ANKS1B: variants seen among roughly 807,000 people sequenced by gnomAD.
ANKS1B encodes ankyrin repeat and sterile alpha motif domain-containing protein 1B.
In ANKS1B, 36 loss-of-function variants were observed where a neutral mutation model predicts 148.3. The ratio of observed to expected loss-of-function variants is 0.24; its 90% CI spans 0.19 to 0.32. The LOEUF (loss-of-function observed/expected upper bound fraction) is 0.32. Among genes scored for constraint, ANKS1B ranks in the 10% least tolerant of loss-of-function variants. ANKS1B has a pLI of 1.00. For missense variants in ANKS1B, 1,157 were observed against 1,542.6 expected (o/e 0.75, Z 4.19); for synonymous variants, 542 against 560.8 (o/e 0.97, Z 0.47).
intron 17 of ANKS1B, among the ~76,000 whole-genome samples, chr12:98,950,111 A>C (rs921906816): frequency 2.0e-5 from 3 of 152,194 alleles, no homozygotes; most frequent in African/African-American, 7.2e-5. Context: ...GTCAGTGAAG[A>C]TGCATTAAGA....
At chr12:98,882,021 G>A (rs1395292045) in intron 17 of ANKS1B, among the ~76,000 whole-genome samples, 1 of 151,988 alleles carries the variant, frequency 6.6e-6, no homozygotes, top group Admixed American at 6.5e-5. Flanking sequence ...TTCTTACTAT[G>A]GAAATTCACT....
chr12:99,890,596 TGTGTGTG>T (rs2093048170), intron 1 of ANKS1B, among the ~76,000 whole-genome samples: 1 of 151,172 alleles, frequency 6.6e-6, no homozygotes, highest in Non-Finnish European at 1.5e-5. Context: ...TGTGTGTGTG[TGTGTGTG>T]TGTGTGTGTG....
intron 9 of ANKS1B, among the ~76,000 whole-genome samples, chr12:99,593,172 A>T: frequency 6.6e-6 from 1 of 152,088 alleles, no homozygotes; most frequent in Admixed American, 6.6e-5. Context: ...CATCATGGCC[A>T]GAACCAGCTT....
intron 8 of ANKS1B, among the ~76,000 whole-genome samples, chr12:99,664,863 TC>T (rs1358852715): frequency 1.3e-5 from 2 of 152,228 alleles, no homozygotes; most frequent in Non-Finnish European, 2.9e-5. Flanking sequence ...CCCTGCACTA[TC>T]TTTTCACCAC....
rs76496198 is a variant in ANKS1B, at chr12:99,122,145, A to G, written c.2526+32144T>C. Among the ~76,000 whole-genome samples the G allele has an allele frequency of 3.6e-3, 547 of 152,338 alleles. 3 individuals carry two copies. The highest frequency in any genetic ancestry group is 0.012 in the African/African-American group (513 of 41,578). ...TTAAGCCTTAGGCAAAATGGGGATA[A>G]TGATCGATTTTGTGAAAATGTTAAT... On this transcript the variant is annotated intron_variant, in intron 15 of 26. Coordinates refer to ENST00000683438, the MANE Select transcript of ANKS1B (RefSeq NM_001352186.2).
chr12:98,967,630 A>AAGAGGGGAGGGGAGGGAAGG (rs1211983478), intron 17 of ANKS1B, among the ~76,000 whole-genome samples: 9 of 47,224 alleles, frequency 1.9e-4, no homozygotes, highest in Non-Finnish European at 3.3e-4. Flanking sequence ...GAGAGGGTAG[A>AAGAGGGGAGGGGAGGGAAGG]AGAGGGGAGG....
intron 9 of ANKS1B, among the ~76,000 whole-genome samples, chr12:99,583,651 T>G (rs1024538623): frequency 6.6e-6 from 1 of 152,230 alleles, no homozygotes; most frequent in Non-Finnish European, 1.5e-5. Context: ...GTGCTTCTTT[T>G]TTTTCAATTA....
At chr12:99,816,983 A>C (rs147958734) in intron 2 of ANKS1B, among the ~76,000 whole-genome samples, 4 of 151,772 alleles carry the variant, frequency 2.6e-5, no homozygotes, top group Non-Finnish European at 4.4e-5. Flanking sequence ...AATCAGGATA[A>C]TTGGGGTATC....
intron 4 of ANKS1B, among the ~76,000 whole-genome samples, chr12:99,802,491 G>A: frequency 6.6e-6 from 1 of 152,078 alleles, no homozygotes; most frequent in East Asian, 1.9e-4. Context: ...TATAAGTAAA[G>A]ATGATATGAA....
chr12:99,121,740 GA>G (rs2062956423), intron 15 of ANKS1B, among the ~76,000 whole-genome samples: 1 of 152,192 alleles, frequency 6.6e-6, no homozygotes, highest in Non-Finnish European at 1.5e-5. Flanking sequence ...AGAGGTGAAT[GA>G]AAAGAATTAT....
intron 14 of ANKS1B, among the ~76,000 whole-genome samples, chr12:99,238,482 T>C (rs2088510544): frequency 6.6e-6 from 1 of 152,178 alleles, no homozygotes; most frequent in Non-Finnish European, 1.5e-5. Context: ...GGGAAGGGCA[T>C]AGCAGAACAA....
intron 15 of ANKS1B, among the ~76,000 whole-genome samples, chr12:99,152,576 G>A (rs1162491440): frequency 2.6e-5 from 4 of 151,908 alleles, no homozygotes; most frequent in Non-Finnish European, 5.9e-5. Flanking sequence ...CTTTCAGTTC[G>A]AGGCTTTCAA....
intron 12 of ANKS1B, among the ~76,000 whole-genome samples, chr12:99,394,686 T>C (rs1422931090): frequency 6.6e-6 from 1 of 152,190 alleles, no homozygotes; most frequent in Non-Finnish European, 1.5e-5. Flanking sequence ...GATTTCCTTC[T>C]ATCTCACAGG....
At chr12:98,874,468 T>G (rs1051447435) in intron 17 of ANKS1B, among the ~76,000 whole-genome samples, 1 of 152,156 alleles carries the variant, frequency 6.6e-6, no homozygotes, top group South Asian at 2.1e-4. Context: ...AGCTTGAACA[T>G]GAACTGAGGA....
intron 22 of ANKS1B, among the ~76,000 whole-genome samples, chr12:98,787,515 C>T (rs1322224654): frequency 6.6e-6 from 1 of 152,174 alleles, no homozygotes; most frequent in Non-Finnish European, 1.5e-5. Flanking sequence ...TCAAGAATGG[C>T]TAAGTACCAG....
chr12:99,963,482 T>C (rs1370455269), intron 1 of ANKS1B, among the ~76,000 whole-genome samples: 1 of 152,230 alleles, frequency 6.6e-6, no homozygotes, highest in African/African-American at 2.4e-5. Flanking sequence ...TGCCTGCTGT[T>C]TATTTTTTCT....
intron 9 of ANKS1B, among the ~76,000 whole-genome samples, chr12:99,589,012 T>TACAAAC (rs1406606501): frequency 1.3e-5 from 2 of 152,192 alleles, no homozygotes; most frequent in Non-Finnish European, 2.9e-5. Context: ...TGGCACACAC[T>TACAAAC]ACAAACACTT....
In ANKS1B at chr12:99,123,682, G is replaced by A. The variant is rs115312993; in HGVS notation, c.2526+30607C>T. On this transcript the variant is annotated intron_variant, in intron 15 of 26. Coordinates refer to ENST00000683438, the MANE Select transcript of ANKS1B (RefSeq NM_001352186.2). ...GTATAAGTGCAAGAGTCCAAAAGCC[G>A]ACGAATCTGGAGTCTGATGTATGAG... is the stretch of plus-strand genomic sequence containing the variant. 6.7e-3 allele frequency among the ~76,000 whole-genome samples: 1,019 copies of A among 152,226 alleles called. 9 individuals carry two copies. Among genetic ancestry groups the A allele is most frequent in the African/African-American group, 0.023 (952 of 41,536 alleles).
chr12:98,806,751 C>A (rs1223939412), intron 20 of ANKS1B, among the ~76,000 whole-genome samples: 1 of 152,158 alleles, frequency 6.6e-6, no homozygotes. Flanking sequence ...CTAGTTTGAT[C>A]AAATGCAGTT....
Sources: allele counts gnomAD v4.1 joint callset (sites outside exome capture counted in the v4.1 genomes callset), GRCh38; gene constraint gnomAD v4.1.1; transcripts MANE v1.5; gene names NCBI Gene and HGNC (gene_info 2026-07-23, HGNC 2026-07-21).